Variants in SORCS2 observed in about 807,000 individuals in gnomAD.
The protein encoded by SORCS2 is sortilin related VPS10 domain containing receptor 2, also known as VPS10 domain-containing receptor SorCS2.
SORCS2 carries 100 observed loss-of-function variants against 141.6 expected under a neutral mutation model. The observed-to-expected ratio is 0.71, with a 90% confidence interval of 0.60 to 0.83. The LOEUF is 0.83. Ranked by LOEUF, SORCS2 falls within the 40% of genes least tolerant of loss-of-function variation. The probability of loss-of-function intolerance (pLI) is 0.00; values close to 1 mark genes in which losing one functional copy is unlikely to be tolerated. For missense variants in SORCS2, 1,646 were observed against 1,560.2 expected, an observed-to-expected ratio of 1.05 and a Z score of -0.93; for synonymous variants, 789 against 676.9, an observed-to-expected ratio of 1.17 and a Z score of -2.57.
At chr4:7,579,033 G>A (rs1203654231) in intron 3 of SORCS2, among the ~76,000 whole-genome samples, 2 of 152,070 alleles carry the variant, frequency 1.3e-5, no homozygotes, top group Admixed American at 6.5e-5. Context: ...TGGGCAGATG[G>A]CTATAATTTC....
intron 3 of SORCS2, among the ~76,000 whole-genome samples, chr4:7,604,620 G>T (rs73216625): frequency 2.6e-5 from 4 of 152,216 alleles, no homozygotes; most frequent in Admixed American, 6.5e-5. Flanking sequence ...TTTTAAAAGC[G>T]ATAGTTGTTC....
chr4:7,740,057 C>A (rs1712532870), intron 26 of SORCS2, 143 bp from the exon 27 acceptor site: 1 of 671,582 alleles, frequency 1.5e-6, no homozygotes, highest in African/African-American at 1.8e-5. Flanking sequence ...AGACCCCCTG[C>A]ACCTGCACGG....
chr4:7,298,510 G>A (rs539751793), intron 1 of SORCS2, among the ~76,000 whole-genome samples: 40 of 152,330 alleles, frequency 2.6e-4, no homozygotes, highest in African/African-American at 8.7e-4. Context: ...TAGAACTACT[G>A]ACCAGGGTGC....
chr4:7,403,985 ATATATATATATATTTT>A (rs1320206323), intron 2 of SORCS2, among the ~76,000 whole-genome samples: 7,146 of 70,070 alleles, frequency 0.1, 515 homozygotes, highest in African/African-American at 0.26. Flanking sequence ...ATATATATAT[ATATATATATATATTTT>A]TTTTTTTTTT....
chr4:7,620,487 G>A (rs960275423), intron 3 of SORCS2, among the ~76,000 whole-genome samples: 1 of 152,202 alleles, frequency 6.6e-6, no homozygotes, highest in African/African-American at 2.4e-5. Context: ...ACTGCCTGGG[G>A]GAGGGTGCAA....
rs566596063 is a variant in SORCS2 at position 7,321,299 on chromosome 4, A to C, written c.481-74989A>C. On this transcript the variant is annotated intron_variant, in intron 1 of 26. Coordinates refer to ENST00000507866, the MANE Select transcript of SORCS2 (RefSeq NM_020777.3). ...TTATTCCTTTTTATGGCTGAGTAGT[A>C]TTCCATGGTGTATGTATACCATATT... Among the ~76,000 whole-genome samples the C allele has an allele frequency of 9.5e-4, 145 of 152,274 alleles. 1 individual carries two copies. The highest frequency in any genetic ancestry group is 3.4e-3 in the African/African-American group (141 of 41,558).
intron 3 of SORCS2, among the ~76,000 whole-genome samples, chr4:7,561,392 A>G (rs150395150): frequency 6.7e-6 from 1 of 149,322 alleles, no homozygotes; most frequent in Non-Finnish European, 1.5e-5. Context: ...GTTCATCCAT[A>G]CATCCATCTA....
intron 1 of SORCS2, among the ~76,000 whole-genome samples, chr4:7,199,689 T>C (rs1727379500): frequency 6.6e-6 from 1 of 152,070 alleles, no homozygotes; most frequent in Non-Finnish European, 1.5e-5. Context: ...CGGGCCATTC[T>C]GGGAAGGCAG....
intron 2 of SORCS2, among the ~76,000 whole-genome samples, chr4:7,460,482 C>T (rs947576841): frequency 2.0e-5 from 3 of 152,234 alleles, no homozygotes; most frequent in African/African-American, 7.2e-5. Flanking sequence ...TTCCAACGTA[C>T]CCCCACAGCT....
chr4:7,344,947 T>A (rs1720572454), intron 1 of SORCS2, among the ~76,000 whole-genome samples: 1 of 152,030 alleles, frequency 6.6e-6, no homozygotes, highest in Non-Finnish European at 1.5e-5. Context: ...CAGACCCCAG[T>A]CTCATTCTCC....
intron 3 of SORCS2, among the ~76,000 whole-genome samples, chr4:7,542,613 A>G (rs1478869505): frequency 6.6e-6 from 1 of 152,162 alleles, no homozygotes; most frequent in African/African-American, 2.4e-5. Context: ...TGACACCTTC[A>G]TTTTGAACTC....
At chr4:7,470,551 C>A (rs762640463) in intron 2 of SORCS2, among the ~76,000 whole-genome samples, 2 of 152,212 alleles carry the variant, frequency 1.3e-5, no homozygotes, top group Non-Finnish European at 2.9e-5. Context: ...CCCATGTGAG[C>A]TATTCTAGGA....
chr4:7,453,457 G>T (rs1455243696), intron 2 of SORCS2, among the ~76,000 whole-genome samples: 2 of 138,406 alleles, frequency 1.4e-5, no homozygotes, highest in African/African-American at 5.6e-5. Flanking sequence ...TTGGGGTCAG[G>T]CTCCGTGTTG....
At chr4:7,737,249 C>G in intron 26 of SORCS2, 77 bp downstream of exon 26, 1 of 1,536,402 alleles carries the variant, frequency 6.5e-7, no homozygotes, top group South Asian at 1.2e-5. Context: ...CGCCCTCCCA[C>G]AGGCCACCCC....
At chr4:7,280,361 C>T (rs1715791938) in intron 1 of SORCS2, among the ~76,000 whole-genome samples, 1 of 152,172 alleles carries the variant, frequency 6.6e-6, no homozygotes, top group South Asian at 2.1e-4. Context: ...AGGACTGGAC[C>T]AAAATTGACT....
intron 3 of SORCS2, among the ~76,000 whole-genome samples, chr4:7,581,156 G>GT (rs1716115677): frequency 7.6e-6 from 1 of 131,402 alleles, no homozygotes; most frequent in Non-Finnish European, 1.6e-5. Flanking sequence ...TAATTTTTTT[G>GT]AAAAAAAAAA....
intron 3 of SORCS2, among the ~76,000 whole-genome samples, chr4:7,572,229 T>C (rs1715453162): frequency 6.6e-6 from 1 of 152,198 alleles, no homozygotes; most frequent in African/African-American, 2.4e-5. Context: ...CCCCAAGCTT[T>C]TTCAGTCACT....
chr4:7,416,578 A>C (rs1271593715), intron 2 of SORCS2, among the ~76,000 whole-genome samples: 1 of 151,988 alleles, frequency 6.6e-6, no homozygotes, highest in African/African-American at 2.4e-5. Flanking sequence ...ACACACACAC[A>C]TGCAGACACA....
At chr4:7,412,887 C>A (rs938112672) in intron 2 of SORCS2, among the ~76,000 whole-genome samples, 1 of 152,178 alleles carries the variant, frequency 6.6e-6, no homozygotes, top group African/African-American at 2.4e-5. Flanking sequence ...CTGTCCCCAC[C>A]ATGGCAGGCA....
Sources: allele counts gnomAD v4.1 joint callset (sites outside exome capture counted in the v4.1 genomes callset), GRCh38; gene constraint gnomAD v4.1.1; transcripts MANE v1.5; gene names NCBI Gene and HGNC (gene_info 2026-07-23, HGNC 2026-07-21).